DCAF8L2: variants seen among roughly 807,000 people sequenced by gnomAD.
DCAF8L2 encodes the protein DDB1- and CUL4-associated factor 8-like protein 2.
For synonymous variants in DCAF8L2, 200 were observed against 190.9 expected (o/e 1.05, Z -0.39); for missense variants, 430 against 490.7 (o/e 0.88, Z 1.17).
chrX:27,655,323 T>A lies in DCAF8L2; in HGVS notation c.-219-22513T>A, dbSNP rs1306985934. Among the ~76,000 whole-genome samples the A allele has an allele frequency of 2.7e-5, 3 of 112,356 alleles. No homozygotes were observed. The East Asian group carries it at 8.4e-4, about 31-fold the overall frequency. On this transcript the variant is annotated intron_variant, in intron 2 of 4. Transcript: ENST00000451261. ...GAATAAGACAAATTATTAAATGGTT[T>A]TAGCTTCCAAAGCAATAGTCATCTA... is the stretch of plus-strand genomic sequence containing the variant.
chrX:27,641,309 T>A (rs1284556487), intron 2 of DCAF8L2, among the ~76,000 whole-genome samples: 1 of 111,434 alleles, frequency 9.0e-6, no homozygotes, highest in Non-Finnish European at 1.9e-5. Flanking sequence ...AAGCTTTTAT[T>A]TCACTTTTAT....
At chrX:27,640,440 A>G (rs377301864) in intron 2 of DCAF8L2, among the ~76,000 whole-genome samples, 1 of 112,022 alleles carries the variant, frequency 8.9e-6, no homozygotes, top group South Asian at 3.7e-4. Context: ...TATTTTATTC[A>G]TTTGTATTGC....
At chrX:27,617,175 C>T (rs1432186805) in intron 1 of DCAF8L2, among the ~76,000 whole-genome samples, 7 of 111,237 alleles carry the variant, frequency 6.3e-5, no homozygotes, top group Non-Finnish European at 9.4e-5. Context: ...CTAAGAAGCC[C>T]ATTTCCCTGA....
intron 2 of DCAF8L2, among the ~76,000 whole-genome samples, chrX:27,640,964 A>G (rs1928693651): frequency 1.8e-5 from 2 of 111,852 alleles, no homozygotes. Context: ...AATTAATATT[A>G]TATTACTTCA....
At chrX:27,713,267 G>A (rs1049003724) in intron 3 of DCAF8L2, among the ~76,000 whole-genome samples, 1 of 111,533 alleles carries the variant, frequency 9.0e-6, no homozygotes, top group Non-Finnish European at 1.9e-5. Flanking sequence ...GGACTTGGAA[G>A]GTATGAGGAG....
At chrX:27,475,344 T>C in the DCAF8L2 span, among the ~76,000 whole-genome samples, 1 of 112,196 alleles carries the variant, frequency 8.9e-6, no homozygotes, top group East Asian at 2.8e-4. Flanking sequence ...AATTTTATAG[T>C]TTTGCTAATT....
At chrX:27,497,727 C>T in the DCAF8L2 span, among the ~76,000 whole-genome samples, 3 of 111,011 alleles carry the variant, frequency 2.7e-5, no homozygotes, top group Non-Finnish European at 5.7e-5. Flanking sequence ...CACCACCGCG[C>T]CCGGCTAATT....
chrX:27,649,792 C>G (rs1192874288), intron 2 of DCAF8L2, among the ~76,000 whole-genome samples: 1 of 111,808 alleles, frequency 8.9e-6, no homozygotes, highest in Non-Finnish European at 1.9e-5. Context: ...TGTGCAGAAG[C>G]TCCTTAGTTA....
chrX:27,595,023 C>G (rs1317903115), intron 1 of DCAF8L2, among the ~76,000 whole-genome samples: 1 of 111,447 alleles, frequency 9.0e-6, no homozygotes, highest in Admixed American at 9.6e-5. Context: ...ACAACACTTT[C>G]TCTTGGTTTT....
chrX:27,513,181 G>A, the DCAF8L2 span, among the ~76,000 whole-genome samples: 5 of 111,595 alleles, frequency 4.5e-5, no homozygotes, highest in Non-Finnish European at 9.4e-5. Context: ...AAATTGGGCT[G>A]GGCAAGGATA....
At chrX:27,593,534 G>C (rs747209206) in intron 1 of DCAF8L2, among the ~76,000 whole-genome samples, 3 of 111,659 alleles carry the variant, frequency 2.7e-5, no homozygotes, top group Non-Finnish European at 3.8e-5. Flanking sequence ...GAAGACCAGG[G>C]GCTGTTAGGG....
rs763158183 is a variant in DCAF8L2 at position 27,748,566 on chromosome X, T to G, written c.1671T>G (p.Ile557Met). 12 of 1,208,574 alleles carry G rather than the reference T, an allele frequency of 9.9e-6. No individual in the cohort carries two copies. The highest frequency in any genetic ancestry group is 1.2e-5 in the Non-Finnish European group (11 of 894,232). Residue 557 changes from isoleucine to methionine, a missense_variant, in exon 5 of 5, where the codon ATT (isoleucine) becomes ATG (methionine). Coordinates refer to ENST00000451261, the MANE Select transcript of DCAF8L2 (RefSeq NM_001353450.2). Reference sequence around the variant, plus strand: ...AGCTTACTGGGTTAAAGAAGGTGATTAAGAAGAACAAGTGGGAACGAGATG... The same window carrying G: ...AGCTTACTGGGTTAAAGAAGGTGATGAAGAAGAACAAGTGGGAACGAGATG... Reference protein sequence around the residue: ...ATELTGLKKVIKKNKWERDED... With the variant: ...ATELTGLKKVMKKNKWERDED...
chrX:27,568,972 C>G, the DCAF8L2 span, among the ~76,000 whole-genome samples: 3 of 105,753 alleles, frequency 2.8e-5, no homozygotes, highest in Non-Finnish European at 5.8e-5. Context: ...CACACACACA[C>G]ACACACACAC....
the DCAF8L2 span, among the ~76,000 whole-genome samples, chrX:27,497,753 G>A: frequency 1.8e-5 from 2 of 111,038 alleles, no homozygotes; most frequent in South Asian, 7.5e-4. Context: ...ATTTTTAGTA[G>A]AGACGGGGTT....
At chrX:27,730,338 A>G (rs1921117856) in intron 4 of DCAF8L2, among the ~76,000 whole-genome samples, 1 of 112,390 alleles carries the variant, frequency 8.9e-6, no homozygotes, top group Non-Finnish European at 1.9e-5. Context: ...AATTTTAAGT[A>G]CACAATACAG....
intron 3 of DCAF8L2, among the ~76,000 whole-genome samples, chrX:27,706,648 G>GT (rs1255978018): frequency 8.9e-6 from 1 of 111,802 alleles, no homozygotes; most frequent in Admixed American, 9.5e-5. Context: ...TGGCAAGGAC[G>GT]TGGAGAAATT....
chrX:27,502,331 AAAAAATATATATATATATATATATATAT>A, the DCAF8L2 span, among the ~76,000 whole-genome samples: 107 of 29,602 alleles, frequency 3.6e-3, 1 homozygote, highest in South Asian at 0.025. Context: ...AAAAAAAAAA[AAAAAATATATATATATATATATATATAT>A]ATATATATAT....
chrX:27,546,722 T>C, the DCAF8L2 span, among the ~76,000 whole-genome samples: 2 of 112,505 alleles, frequency 1.8e-5, no homozygotes, highest in Non-Finnish European at 3.8e-5. Flanking sequence ...TGGCCTGAGC[T>C]GTACCTTGGT....
the DCAF8L2 span, among the ~76,000 whole-genome samples, chrX:27,514,235 A>G: frequency 5.5e-5 from 5 of 91,028 alleles, no homozygotes; most frequent in Admixed American, 6.4e-4. Context: ...ATATGTGTGC[A>G]TATGTACACA....
Sources: gnomAD v4.1 joint callset for allele counts (sites outside exome capture counted in the v4.1 genomes callset) on GRCh38, gnomAD v4.1.1 for gene constraint, MANE v1.5 for transcripts, NCBI Gene and HGNC (gene_info 2026-07-23, HGNC 2026-07-21) for gene names.